Variants in MRPS6 observed in about 807,000 individuals in gnomAD.
MRPS6 encodes small ribosomal subunit protein bS6m.
A neutral mutation model predicts 13.1 loss-of-function variants in MRPS6; 6 were observed. That is an observed-to-expected ratio of 0.46 (90% CI 0.25 to 0.91). MRPS6 has a LOEUF of 0.91. Ranked by LOEUF, MRPS6 falls within the 40% of genes least tolerant of loss-of-function variation. The probability of loss-of-function intolerance (pLI) is 0.18; values close to 1 mark genes in which losing one functional copy is unlikely to be tolerated. For missense variants in MRPS6, 164 were observed against 155.6 expected (o/e 1.05, Z -0.29); for synonymous variants, 61 against 56.5 (o/e 1.08, Z -0.36).
At chr21:34,123,950 A>T (rs62212129) in intron 1 of MRPS6, 13,600 of 152,084 alleles carry the variant, frequency 0.089, 752 homozygotes, top group Middle Eastern at 0.16. Context: ...GATACGTTTT[A>T]TATTTGCTTC....
intron 1 of MRPS6, among the ~76,000 whole-genome samples, chr21:34,080,134 TGTA>T (rs1989427315): frequency 2.0e-5 from 3 of 152,224 alleles, no homozygotes; most frequent in Admixed American, 2.0e-4. Context: ...TAAATACGCT[TGTA>T]GTGCAAATAT....
At chr21:34,101,552 C>T in intron 1 of MRPS6, 1 of 1,000,010 alleles carries the variant, frequency 1.0e-6, no homozygotes, top group Non-Finnish European at 1.2e-6. Flanking sequence ...TTCAGAGAGA[C>T]TGGTCTTTCT....
chr21:34,095,924 C>T (rs1978946921), intron 1 of MRPS6: 2 of 1,614,062 alleles, frequency 1.2e-6, no homozygotes, highest in South Asian at 1.1e-5. Context: ...GTAATGTCTC[C>T]CCTAAGAAAG....
intron 2 of MRPS6, among the ~76,000 whole-genome samples, chr21:34,136,719 G>A (rs113866235): frequency 0.012 from 1,780 of 152,012 alleles, 39 homozygotes; most frequent in South Asian, 0.081. Flanking sequence ...CTTCTAATTC[G>A]CAAATCTTAG....
chr21:34,102,771 C>G, intron 1 of MRPS6: 1 of 1,000,044 alleles, frequency 1.0e-6, no homozygotes, highest in Non-Finnish European at 1.2e-6. Flanking sequence ...TTGCTCTATA[C>G]CACTGAAAAG....
chr21:34,089,435 T>C (rs9984163), intron 1 of MRPS6, among the ~76,000 whole-genome samples: 3,653 of 152,010 alleles, frequency 0.024, 158 homozygotes, highest in African/African-American at 0.082. Flanking sequence ...ATAGTTGTTC[T>C]TCCCTCCCTG....
At chr21:34,140,419 A>C (rs1980869390) in intron 2 of MRPS6, among the ~76,000 whole-genome samples, 1 of 152,098 alleles carries the variant, frequency 6.6e-6, no homozygotes, top group Admixed American at 6.5e-5. Flanking sequence ...CCAAGTGTTG[A>C]GGCATTTTTC....
intron 1 of MRPS6, among the ~76,000 whole-genome samples, chr21:34,077,923 A>G (rs1197342664): frequency 2.6e-5 from 4 of 152,216 alleles, no homozygotes; most frequent in Non-Finnish European, 5.9e-5. Flanking sequence ...CTAGAGTTCT[A>G]TTCAAGTTAG....
intron 1 of MRPS6, among the ~76,000 whole-genome samples, chr21:34,077,571 T>A: frequency 6.6e-6 from 1 of 151,930 alleles, no homozygotes; most frequent in East Asian, 1.9e-4. Flanking sequence ...AAGATAGCAT[T>A]TATATATATA....
intron 1 of MRPS6, among the ~76,000 whole-genome samples, chr21:34,092,025 A>G (rs1978721950): frequency 6.6e-6 from 1 of 152,154 alleles, no homozygotes; most frequent in South Asian, 2.1e-4. Flanking sequence ...ATGTTAGCTG[A>G]AGATTCTTCC....
chr21:34,104,895 C>T lies in MRPS6; in HGVS notation c.46-20446C>T, dbSNP rs140104162. 2,911 of 1,000,130 alleles carry T rather than the reference C, an allele frequency of 2.9e-3. 6 individuals are homozygous for T. Among genetic ancestry groups the T allele is most frequent in the Non-Finnish European group, 3.3e-3 (2,735 of 829,870 alleles). The allele number at this position is 1,000,130 out of a possible 1,614,324, so 62.0% of individuals were successfully genotyped here. A position where few individuals can be genotyped will look rare whatever the true frequency, so the allele number is the denominator to read the frequency against. On this transcript the variant is annotated intron_variant, in intron 1 of 2. Transcript: ENST00000399312. ...AAAATGCTTCTGGAGATTTCTTTGG[C>T]AGAAATGCCTTTCATCTATAATTTC...
intron 1 of MRPS6, among the ~76,000 whole-genome samples, chr21:34,076,886 C>G (rs2148651228): frequency 6.6e-6 from 1 of 152,334 alleles, no homozygotes; most frequent in East Asian, 1.9e-4. Flanking sequence ...GTTTTATTCA[C>G]TTCTGGAAAA....
At chr21:34,103,761 A>G in intron 1 of MRPS6, 32 of 999,888 alleles carry the variant, frequency 3.2e-5, no homozygotes, top group Non-Finnish European at 3.7e-5. Flanking sequence ...AAGGGACCCA[A>G]AGGAATAATC....
chr21:34,100,776 T>C, intron 1 of MRPS6: 1 of 1,000,230 alleles, frequency 1.0e-6, no homozygotes, highest in South Asian at 4.7e-5. Flanking sequence ...ATTTTCTTTA[T>C]AGTAGGCATA....
At chr21:34,082,295 A>T (rs751106936) in intron 1 of MRPS6, among the ~76,000 whole-genome samples, 1 of 152,168 alleles carries the variant, frequency 6.6e-6, no homozygotes, top group Non-Finnish European at 1.5e-5. Flanking sequence ...GAAAGTATCT[A>T]TAGTTTCGGA....
chr21:34,091,824 T>G (rs1195655948), intron 1 of MRPS6, among the ~76,000 whole-genome samples: 3 of 152,218 alleles, frequency 2.0e-5, no homozygotes, highest in Non-Finnish European at 2.9e-5. Flanking sequence ...TGTTTCTTTT[T>G]GCATTCTACA....
At chr21:34,114,666 T>C (rs1467491878) in intron 1 of MRPS6, among the ~76,000 whole-genome samples, 2 of 152,170 alleles carry the variant, frequency 1.3e-5, no homozygotes, top group African/African-American at 4.8e-5. Context: ...AAAGGAATGA[T>C]TGATTATATG....
At chr21:34,105,760 G>A in intron 1 of MRPS6, 1 of 997,708 alleles carries the variant, frequency 1.0e-6, no homozygotes, top group Non-Finnish European at 1.2e-6. Context: ...TAATTTTAAG[G>A]TTTGACTAAT....
intron 1 of MRPS6, chr21:34,104,478 T>C (rs1979390316): frequency 5.0e-6 from 5 of 998,042 alleles, no homozygotes; most frequent in Admixed American, 6.2e-5. Flanking sequence ...GAGAAATGAC[T>C]ACCTTTGTTC....
Sources: allele counts gnomAD v4.1 joint callset (sites outside exome capture counted in the v4.1 genomes callset), GRCh38; gene constraint gnomAD v4.1.1; transcripts MANE v1.5; gene names NCBI Gene and HGNC (gene_info 2026-07-23, HGNC 2026-07-21).